GK: variants seen among roughly 807,000 people sequenced by gnomAD.
The protein encoded by GK is glycerol kinase, also known as ATP:glycerol 3-phosphotransferase.
GK carries 9 observed loss-of-function variants against 56.4 expected under a neutral mutation model. That is an observed-to-expected ratio of 0.16 (90% CI 0.10 to 0.28). The LOEUF is 0.28. GK is among the 10% of genes least tolerant of loss of function. The probability of loss-of-function intolerance (pLI) is 1.00; values close to 1 mark genes in which losing one functional copy is unlikely to be tolerated. For synonymous variants in GK, 104 were observed against 144.1 expected, an observed-to-expected ratio of 0.72 and a Z score of 1.99; for missense variants, 161 against 431.4, an observed-to-expected ratio of 0.37 and a Z score of 5.55.
chrX:30,700,750 A>G (rs1601925954), intron 10 of GK, 88 bp from the exon 11 acceptor site: 1 of 548,678 alleles, frequency 1.8e-6, no homozygotes, highest in Non-Finnish European at 2.9e-6. Flanking sequence ...TTTGATAAAT[A>G]AAAAATGAAA....
At chrX:30,675,947 G>A (rs979927032) in intron 3 of GK, among the ~76,000 whole-genome samples, 2 of 111,280 alleles carry the variant, frequency 1.8e-5, no homozygotes, top group Non-Finnish European at 3.8e-5. Context: ...ATGCCACCAT[G>A]CCTGGCTAAT....
intron 12 of GK, among the ~76,000 whole-genome samples, 155 bp downstream of exon 12, chrX:30,707,753 T>C (rs1420451240): frequency 8.9e-6 from 1 of 112,219 alleles, no homozygotes; most frequent in African/African-American, 3.2e-5. Context: ...TGAATCGTTC[T>C]AATAAGAACC....
chrX:30,666,317 C>T (rs1182845696), intron 2 of GK, among the ~76,000 whole-genome samples: 2 of 112,112 alleles, frequency 1.8e-5, no homozygotes, highest in African/African-American at 3.2e-5. Context: ...CAGATACTTG[C>T]ACCAACACAA....
intron 5 of GK, among the ~76,000 whole-genome samples, chrX:30,692,218 T>C (rs1934975768): frequency 9.0e-6 from 1 of 111,327 alleles, no homozygotes; most frequent in African/African-American, 3.3e-5. Flanking sequence ...AACTTCAGAC[T>C]TGTCCTGAAT....
intron 1 of GK, among the ~76,000 whole-genome samples, chrX:30,659,357 A>G (rs1185823163): frequency 8.9e-6 from 1 of 112,520 alleles, no homozygotes; most frequent in African/African-American, 3.2e-5. Flanking sequence ...GAAAAACATA[A>G]TTTCATTTGC....
At position 30,727,475 on chromosome X, in the gene GK, G is replaced by C. The variant is rs1937184366; in HGVS notation, c.1592G>C (p.Ser531Thr). 5.1e-6 allele frequency: 6 copies of C among 1,175,374 alleles called. No homozygotes were observed. Among genetic ancestry groups the C allele is most frequent in the Admixed American group, 2.2e-5 (1 of 45,420 alleles). The change falls in exon 20 of 21, where the codon AGT (serine) becomes ACT (threonine). Residue 531 changes from serine to threonine, a missense_variant. By Grantham distance (58) the Ser-to-Thr change is moderately conservative (BLOSUM62 1). Transcript: ENST00000427190. ...GCTTGGATGACCACAGGTGACCCTAGTATCTTCTGTAGTCTGCCCTTGGGC... is the reference window on the plus strand; with the variant it reads ...GCTTGGATGACCACAGGTGACCCTACTATCTTCTGTAGTCTGCCCTTGGGC... Reference protein sequence around the residue: ...TTQSPESGDPSIFCSLPLGFF... With the variant: ...TTQSPESGDPTIFCSLPLGFF...
chrX:30,685,293 G>A (rs1187910769), intron 4 of GK, among the ~76,000 whole-genome samples: 8 of 110,731 alleles, frequency 7.2e-5, no homozygotes, highest in Non-Finnish European at 1.5e-4. Context: ...CACCGCTCCC[G>A]GCTAATTTTT....
At chrX:30,674,117 A>T (rs1933721519) in intron 3 of GK, among the ~76,000 whole-genome samples, 1 of 111,626 alleles carries the variant, frequency 9.0e-6, no homozygotes. Flanking sequence ...TTTAATATAC[A>T]TTGACTCCTC....
At position 30,730,042 on chromosome X, in the gene GK, G is replaced by A. The variant is rs1937291083; in HGVS notation, c.*1300G>A. On this transcript the variant is annotated 3_prime_UTR_variant, in exon 21 of 21. Transcript: ENST00000427190. The stretch of plus-strand genomic sequence containing the variant: ...TAGTATCTCATTATAACTGAAAGAA[G>A]GTTTATCATTACAAATACCTTCCAA... 8.9e-6 allele frequency: 1 copy of A among 111,849 alleles called. No homozygotes were observed. Among genetic ancestry groups the A allele is most frequent in the Admixed American group, 9.6e-5 (1 of 10,445 alleles). The allele number at this position is 111,849 out of a possible 1,213,427, so 9.2% of individuals were successfully genotyped here.
intron 1 of GK, among the ~76,000 whole-genome samples, chrX:30,658,612 G>A (rs1000261453): frequency 1.8e-5 from 2 of 112,482 alleles, no homozygotes; most frequent in Non-Finnish European, 3.8e-5. Context: ...CACCACGCCC[G>A]GCCAAGTTGT....
chrX:30,668,266 G>T (rs904213784), intron 3 of GK, 148 bp downstream of exon 3: 2 of 456,488 alleles, frequency 4.4e-6, no homozygotes, highest in African/African-American at 2.4e-5. Flanking sequence ...GAAGATTTAA[G>T]TTCTTGTCCT....
intron 11 of GK, among the ~76,000 whole-genome samples, chrX:30,702,050 T>A (rs760593995): frequency 7.2e-5 from 8 of 110,400 alleles, no homozygotes; most frequent in African/African-American, 2.0e-4. Context: ...TTTATTTATT[T>A]TTTTTTTTTG....
intron 18 of GK, among the ~76,000 whole-genome samples, chrX:30,722,919 G>T (rs1229951133): frequency 9.0e-6 from 1 of 110,990 alleles, no homozygotes; most frequent in Non-Finnish European, 1.9e-5. Context: ...CCCCACATGG[G>T]GTTCAGCACC....
chrX:30,661,599 A>G (rs1932759918), intron 1 of GK, among the ~76,000 whole-genome samples: 1 of 110,967 alleles, frequency 9.0e-6, no homozygotes, highest in Middle Eastern at 4.6e-3. Context: ...TTCAACCTGA[A>G]GTCTTAGTTT....
chrX:30,664,072 G>C (rs1372129722), intron 1 of GK, among the ~76,000 whole-genome samples: 9 of 72,429 alleles, frequency 1.2e-4, no homozygotes, highest in African/African-American at 5.2e-4. Flanking sequence ...ATATTTTATA[G>C]ATATATATTT....
intron 1 of GK, among the ~76,000 whole-genome samples, chrX:30,659,321 C>T (rs1357378519): frequency 8.9e-6 from 1 of 112,686 alleles, no homozygotes; most frequent in Non-Finnish European, 1.9e-5. Flanking sequence ...GCGTGAGCCA[C>T]CGTGCTCGGC....
At chrX:30,695,649 A>G (rs769151384) in intron 6 of GK, among the ~76,000 whole-genome samples, 1 of 112,893 alleles carries the variant, frequency 8.9e-6, no homozygotes, top group Non-Finnish European at 1.9e-5. Context: ...CAAAGAGATA[A>G]CAACAACACA....
At chrX:30,711,934 G>T (rs1012530448) in intron 13 of GK, among the ~76,000 whole-genome samples, 1 of 111,558 alleles carries the variant, frequency 9.0e-6, no homozygotes, top group Non-Finnish European at 1.9e-5. Context: ...TTTCTTTGTA[G>T]TTCTAACACT....
intron 13 of GK, among the ~76,000 whole-genome samples, chrX:30,715,198 A>T (rs992555811): frequency 2.6e-4 from 29 of 111,809 alleles, no homozygotes; most frequent in African/African-American, 9.1e-4. Context: ...CTGCATCCTG[A>T]AATATCCTGC....
Sources: allele counts gnomAD v4.1 joint callset (sites outside exome capture counted in the v4.1 genomes callset), GRCh38; gene constraint gnomAD v4.1.1; transcripts MANE v1.5; gene names NCBI Gene and HGNC (gene_info 2026-07-23, HGNC 2026-07-21).